The following RIMS3 variants were observed in gnomAD, a reference collection of about 807,000 sequenced individuals.
RIMS3 encodes regulating synaptic membrane exocytosis 3.
In RIMS3, 15 loss-of-function variants were observed where a neutral mutation model predicts 29.2. That is an observed-to-expected ratio of 0.51 (90% CI 0.34 to 0.79). The LOEUF (loss-of-function observed/expected upper bound fraction) is 0.79. Among genes scored for constraint, RIMS3 ranks in the 30% least tolerant of loss-of-function variants. RIMS3 has a pLI of 0.01. For missense variants in RIMS3, 342 were observed against 421.4 expected (o/e 0.81, Z 1.65); for synonymous variants, 161 against 170.1 (o/e 0.95, Z 0.41).
At chr1:40,674,521 A>G in the RIMS3 span, among the ~76,000 whole-genome samples, 1 of 152,194 alleles carries the variant, frequency 6.6e-6, no homozygotes, top group South Asian at 2.1e-4. Flanking sequence ...GTGTTCCCCA[A>G]GGTTCATGTG....
chr1:40,648,879 G>A (rs1439137156), intron 1 of RIMS3, among the ~76,000 whole-genome samples: 1 of 152,180 alleles, frequency 6.6e-6, no homozygotes, highest in Non-Finnish European at 1.5e-5. Flanking sequence ...TGGCATCTAA[G>A]ACCCCTGGCC....
chr1:40,652,842 A>G (rs936482518), intron 1 of RIMS3, among the ~76,000 whole-genome samples: 2 of 152,226 alleles, frequency 1.3e-5, no homozygotes, highest in Admixed American at 6.5e-5. Flanking sequence ...AGCAGCCAGG[A>G]GGCTGCTACA....
chr1:40,636,057 T>C lies in RIMS3; in HGVS notation c.218A>G (p.Glu73Gly). ...SKSTLQLPQP[E>G]GATKKLRSNI... ...GCTGCGCAGCTTCTTGGTGGCCCCT[T>C]CTGTGACCCCCCCAACCCCAAGCAC... Residue 73 changes from glutamate (E) to glycine (G), a missense_variant and splice_region_variant, in exon 4 of 8, where the codon GAA (glutamate) becomes GGA (glycine). By Grantham distance (98) the Glu-to-Gly change is moderately conservative. Coordinates refer to ENST00000372684, the MANE Select transcript of RIMS3 (RefSeq NM_014747.3). This position sits in a 1 kb window ranked among gnomAD's most constrained non-coding sequence, Gnocchi z 4.2. 6.2e-7 allele frequency: 1 copy of C among 1,602,730 alleles called. No homozygotes were observed. The highest frequency in any genetic ancestry group is 8.5e-7 in the Non-Finnish European group (1 of 1,179,900).
the RIMS3 span, among the ~76,000 whole-genome samples, chr1:40,674,573 A>G: frequency 9.9e-5 from 15 of 152,160 alleles, no homozygotes; most frequent in Admixed American, 9.8e-4. Flanking sequence ...GAGAGGAGGG[A>G]CCTTCAGGAG....
the RIMS3 span, among the ~76,000 whole-genome samples, chr1:40,685,268 TG>T: frequency 2.2e-5 from 3 of 139,160 alleles, no homozygotes; most frequent in Non-Finnish European, 4.6e-5. Flanking sequence ...AAATTTATTA[TG>T]AAAAACATAA....
the RIMS3 span, among the ~76,000 whole-genome samples, chr1:40,682,843 C>A: frequency 6.8e-6 from 1 of 147,808 alleles, no homozygotes; most frequent in Non-Finnish European, 1.5e-5. Context: ...CGGGTTCAAG[C>A]GATTCTCCTG....
chr1:40,629,078 G>A lies in RIMS3; in HGVS notation c.575-129C>T. On this transcript the variant is annotated intron_variant, in intron 6 of 7. Transcript: ENST00000372684. ...GGAATGAGCCAGCCAGTGGACAGCA[G>A]GCAGAAGAGGTGACTCAAGTACTGA... 4 of 1,243,592 alleles carry A rather than the reference G, an allele frequency of 3.2e-6. No homozygotes were observed. The South Asian group carries it at 3.7e-5, about 12-fold the overall frequency. The allele number at this position is 1,243,592 out of a possible 1,614,324, so 77.0% of individuals were successfully genotyped here. A position where few individuals can be genotyped will look rare whatever the true frequency, so the allele number is the denominator to read the frequency against.
At chr1:40,680,141 A>AAAAAC in the RIMS3 span, among the ~76,000 whole-genome samples, 5 of 152,124 alleles carry the variant, frequency 3.3e-5, no homozygotes, top group East Asian at 1.9e-4. Context: ...TAAAACAAAC[A>AAAAAC]AAAACAAAAC....
rs987066572 is a variant in RIMS3 at position 40,648,530 on chromosome 1, A to C, written c.-206-688T>G. ...GCTCCTCATCTCTAAAGTGGGGACG[A>C]TAATGCCTGCTTTAGGATTCTTACA... On this transcript the variant is annotated intron_variant, in intron 1 of 7. Transcript: ENST00000372684. Among the ~76,000 whole-genome samples the C allele has an allele frequency of 6.6e-5, 10 of 152,374 alleles. 1 individual carries two copies. The South Asian group carries it at 1.7e-3, about 25-fold the overall frequency.
At position 40,621,678 on chromosome 1, in the gene RIMS3, T is replaced by C. The variant is rs1169154149; in HGVS notation, c.*4839A>G. 2 of 152,192 alleles carry C rather than the reference T, an allele frequency of 1.3e-5. No individual in the cohort carries two copies. Among genetic ancestry groups the C allele is most frequent in the African/African-American group, 4.8e-5 (2 of 41,442 alleles). The allele number at this position is 152,192 out of a possible 1,614,324, so 9.4% of individuals were successfully genotyped here. ...TGAGGAGCCTTACCCAAGGTCACAG[T>C]TTCTGGTAAAACTGTACAGAACAGC... On this transcript the variant is annotated 3_prime_UTR_variant, in exon 8 of 8. Transcript: ENST00000372684.
chr1:40,658,089 G>A (rs142503230), intron 1 of RIMS3, among the ~76,000 whole-genome samples: 1 of 152,302 alleles, frequency 6.6e-6, no homozygotes, highest in East Asian at 1.9e-4. Flanking sequence ...TACAGGTCAA[G>A]AATGAGTGAC....
chr1:40,650,931 C>T (rs1646628451), intron 1 of RIMS3, among the ~76,000 whole-genome samples: 1 of 148,436 alleles, frequency 6.7e-6, no homozygotes, highest in Non-Finnish European at 1.5e-5. Flanking sequence ...GCCTGGCATA[C>T]CTTCTCTGCC....
chr1:40,628,250 T>C (rs1646467561), intron 7 of RIMS3, among the ~76,000 whole-genome samples: 1 of 152,218 alleles, frequency 6.6e-6, no homozygotes, highest in Non-Finnish European at 1.5e-5. Flanking sequence ...CCTCAGGTTC[T>C]TCATCTATGA....
chr1:40,684,986 G>A, the RIMS3 span, among the ~76,000 whole-genome samples: 1 of 152,168 alleles, frequency 6.6e-6, no homozygotes, highest in African/African-American at 2.4e-5. Flanking sequence ...CAACAGAACT[G>A]TGAGACCTCG....
intron 1 of RIMS3, among the ~76,000 whole-genome samples, chr1:40,648,051 AAG>A (rs1646606707): frequency 1.3e-5 from 2 of 152,192 alleles, no homozygotes; most frequent in African/African-American, 4.8e-5. Flanking sequence ...CTTGGATGTC[AAG>A]CTGCTGAAGA....
intron 2 of RIMS3, among the ~76,000 whole-genome samples, chr1:40,646,277 G>A (rs1159025932): frequency 6.6e-6 from 1 of 152,088 alleles, no homozygotes; most frequent in Non-Finnish European, 1.5e-5. Flanking sequence ...TACAGATAGG[G>A]AACCTAAAAG....
chr1:40,672,969 C>A, the RIMS3 span, among the ~76,000 whole-genome samples: 22 of 151,970 alleles, frequency 1.4e-4, no homozygotes, highest in Admixed American at 1.2e-3. Context: ...TGCTTGAGGT[C>A]AGGAGTTCAA....
the RIMS3 span, among the ~76,000 whole-genome samples, chr1:40,677,924 C>T: frequency 6.6e-6 from 1 of 152,144 alleles, no homozygotes. Context: ...CCCACAGTGG[C>T]TTGCGAAGCA....
the RIMS3 span, among the ~76,000 whole-genome samples, chr1:40,680,658 G>C: frequency 6.9e-4 from 105 of 152,194 alleles, no homozygotes; most frequent in African/African-American, 2.3e-3. Context: ...ACTGTAGCCA[G>C]TACACATGTC....
Sources: gnomAD v4.1 joint callset for allele counts (sites outside exome capture counted in the v4.1 genomes callset) on GRCh38, gnomAD v4.1.1 for gene constraint, Gnocchi (gnomAD v3.1) non-coding constraint, MANE v1.5 for transcripts, NCBI Gene and HGNC (gene_info 2026-07-23, HGNC 2026-07-21) for gene names.